The following LMF2 variants were observed in gnomAD, a reference collection of about 807,000 sequenced individuals.
The protein encoded by LMF2 is transmembrane protein 112B.
A neutral mutation model predicts 81.5 loss-of-function variants in LMF2; 113 were observed. The observed-to-expected ratio is 1.39, with a 90% CI of 1.19 to 1.62. LMF2 has a LOEUF of 1.62. Among genes scored for constraint, LMF2 ranks in the 40% most tolerant of loss-of-function variants. The pLI is 0.00. For synonymous variants in LMF2, 645 were observed against 424.5 expected, an observed-to-expected ratio of 1.52 and a Z score of -6.39; for missense variants, 1,235 against 929.1, an observed-to-expected ratio of 1.33 and a Z score of -4.28.
rs1444217226 is a variant in LMF2 at position 50,506,839 on chromosome 22, T to C, written c.291A>G (p.Pro97=). The C allele has an allele frequency of 2.5e-6, 4 of 1,602,746 alleles. No individual in the cohort carries two copies. The highest frequency in any genetic ancestry group is 2.3e-5 in the East Asian group (1 of 44,220). ...GCAAGTAGATGACAGGGTGGCGCAG[T>C]GGGCTCAGCAGCAGGGCTCCCAGGG... ...LVALGALLLS[P]LRHPVIYLLL... Residue 97 remains proline, a synonymous_variant, in exon 2 of 14, where the codon CCA becomes CCG. Coordinates refer to ENST00000474879, the MANE Select transcript of LMF2 (RefSeq NM_033200.3).
chr22:50,504,487 C>G, intron 11 of LMF2, 36 bp from the exon 12 acceptor site: 1 of 1,532,190 alleles, frequency 6.5e-7, no homozygotes, highest in Non-Finnish European at 8.9e-7. Context: ...CCCCACAGTA[C>G]CCGCCCTGCC....
chr22:50,505,775 TTG>T lies in LMF2; in HGVS notation c.813_814del (p.Tyr271Ter), dbSNP rs762745742. The stretch of plus-strand genomic sequence containing the variant: ...CACCAGCGTCATCAGGTTGAAGAAG[TTG>T]TAGTTGCCGGTGATGATAATCAGGA... On this transcript the variant is annotated stop_gained and frameshift_variant, in exon 6 of 14. Transcript: ENST00000474879. LOFTEE classifies it high-confidence loss of function. 10 of 1,613,030 alleles carry T rather than the reference TTG, an allele frequency of 6.2e-6. No homozygotes were observed. Among genetic ancestry groups the T allele is most frequent in the Non-Finnish European group, 7.6e-6 (9 of 1,179,896 alleles).
chr22:50,503,613 C>A lies in LMF2; in HGVS notation c.1902G>T (p.Glu634Asp). 6.4e-7 allele frequency: 1 copy of A among 1,574,278 alleles called. No homozygotes were observed. ...GGAGCCCCCAGAGCAGGGCGGGGGC[C>A]TCCAGGGGAGACAGCTGAGAGCGAG... ...HWTRSQLSPL[E>D]APALLWGLLM... Residue 634 changes from glutamate to aspartate, a missense_variant, in exon 14 of 14, where the codon GAG (glutamate) becomes GAT (aspartate). Glu to Asp is a conservative substitution (Grantham distance 45). Transcript: ENST00000474879.
chr22:50,503,645 G>C lies in LMF2; in HGVS notation c.1870C>G (p.His624Asp). 2 of 1,592,896 alleles carry C rather than the reference G, an allele frequency of 1.3e-6. No individual in the cohort carries two copies. Among genetic ancestry groups the C allele is most frequent in the Non-Finnish European group, 1.7e-6 (2 of 1,172,072 alleles). ...GGAGACAGCTGAGAGCGAGTCCAGT[G>C]GAGGGCCTGGGCCAGGGTGCTGTTG... ...SANSTLAQAL[H>D]WTRSQLSPLE... is the part of the protein sequence containing the mutation. The change falls in exon 14 of 14, where the codon CAC becomes GAC. Residue 624 changes from histidine to aspartate, a missense_variant. His to Asp is a moderately conservative substitution (Grantham distance 81). Transcript: ENST00000474879.
rs749352866 is a variant in LMF2, at chr22:50,506,403, C to T, written c.477G>A (p.Gly159=). ...RKEAPQGRQA[G]ALPHEDLPFW... ...AGGGGAGGTCTTCGTGGGGCAGGGC[C>T]CCTGCCTGCCTGCCCTGGGGGGCCT... Residue 159 remains glycine (G), a synonymous_variant, in exon 4 of 14, where the codon GGG becomes GGA. Coordinates refer to ENST00000474879, the MANE Select transcript of LMF2 (RefSeq NM_033200.3). The T allele has an allele frequency of 1.3e-6, 2 of 1,550,116 alleles. No homozygotes were observed. Among genetic ancestry groups the T allele is most frequent in the Admixed American group, 2.0e-5 (1 of 51,036 alleles).
chr22:50,504,884 T>C lies in LMF2; in HGVS notation c.1355A>G (p.Tyr452Cys), dbSNP rs188536110. The change falls in exon 10 of 14, where the codon TAC (tyrosine) becomes TGC (cysteine). Residue 452 changes from tyrosine to cysteine, a missense_variant. By Grantham distance (194) the Tyr-to-Cys change is radical. Transcript: ENST00000474879. ...CCCAGTCATGCGGCGGAAGAGGCCG[T>C]AGGAGTTGGCCAGCTGTAGGTGCTC... ...AVEHLQLANS[Y>C]GLFRRMTGLG... 46 of 1,610,798 alleles carry C rather than the reference T, an allele frequency of 2.9e-5. No homozygotes were observed. The highest frequency in any genetic ancestry group is 3.6e-5 in the Non-Finnish European group (42 of 1,178,978).
intron 13 of LMF2, 44 bp from the exon 14 acceptor site, chr22:50,503,743 G>A (rs754335204): frequency 6.3e-6 from 10 of 1,591,152 alleles, no homozygotes; most frequent in South Asian, 3.3e-5. Flanking sequence ...AGTGCTTACT[G>A]GGTTTACCCC....
In LMF2 at chr22:50,507,042, G is replaced by T; in HGVS notation, c.95-7C>A. 6.3e-7 allele frequency: 1 copy of T among 1,586,876 alleles called. No homozygotes were observed. On this transcript the variant is annotated splice_region_variant and splice_polypyrimidine_tract_variant and intron_variant, in intron 1 of 13. Transcript: ENST00000474879. ...CCCTCGGGGCCATACAGGCCTGTGG[G>T]AGGGCATGTCATGGCCAGGCCCTGG...
rs376728417 is a variant in LMF2 at position 50,504,459 on chromosome 22, G to A, written c.1607-8C>T. 2.7e-5 allele frequency: 43 copies of A among 1,609,586 alleles called. No homozygotes were observed. The highest frequency in any genetic ancestry group is 1.6e-4 in the South Asian group (15 of 90,996). ...TCTGGACAAGGCGGATCACTGCAGCGAGAGGCATCAGCGTGGCCCCCACAG... is the reference window on the plus strand; with the variant it reads ...TCTGGACAAGGCGGATCACTGCAGCAAGAGGCATCAGCGTGGCCCCCACAG... On this transcript the variant is annotated splice_region_variant and splice_polypyrimidine_tract_variant and intron_variant, in intron 11 of 13. Transcript: ENST00000474879.
rs777372632 is a variant in LMF2 at position 50,505,497 on chromosome 22, C to T, written c.957G>A (p.Leu319=). 1.2e-6 allele frequency: 2 copies of T among 1,612,672 alleles called. No homozygotes were observed. The highest frequency in any genetic ancestry group is 2.2e-5 in the East Asian group (1 of 44,902). ...CCAGAAGCCCGTAGACGGCTAGTTCCAGCAGCAGCGACAGGGTGGCCAGCA... is the reference window on the plus strand; with the variant it reads ...CCAGAAGCCCGTAGACGGCTAGTTCTAGCAGCAGCGACAGGGTGGCCAGCA... ...KALLATLSLL[L]ELAVYGLLAY... The change falls in exon 7 of 14, where the codon CTG becomes CTA. Residue 319 remains leucine (L), a synonymous_variant. Transcript: ENST00000474879.
chr22:50,507,602 G>A lies in LMF2; in HGVS notation c.74C>T (p.Ser25Phe). 1 of 1,565,020 alleles carries A rather than the reference G, an allele frequency of 6.4e-7. No individual in the cohort carries two copies. The highest frequency in any genetic ancestry group is 1.2e-5 in the South Asian group (1 of 85,236). ...TTCACCTGGGATTTGCGTGTAGAGGGAAGCGAAAGCAAACATGAAGACGGC... is the reference window on the plus strand; with the variant it reads ...TTCACCTGGGATTTGCGTGTAGAGGAAAGCGAAAGCAAACATGAAGACGGC... ...VAAVFMFAFA[S>F]LYTQIPGLYG... The change falls in exon 1 of 14, where the codon TCC (serine) becomes TTC (phenylalanine). Residue 25 changes from serine (S) to phenylalanine (F), a missense_variant. Transcript: ENST00000474879.
chr22:50,504,744 G>A lies in LMF2; in HGVS notation c.1438-17C>T, dbSNP rs2084852910. The A allele has an allele frequency of 2.5e-6, 4 of 1,608,620 alleles. No homozygotes were observed. The highest frequency in any genetic ancestry group is 1.7e-5 in the Admixed American group (1 of 59,126). The stretch of plus-strand genomic sequence containing the variant: ...CTCGATCTCCTGCCAGGCAGGCCGA[G>A]GTCAGCTGGGCCCGCTGACCTGGGC... On this transcript the variant is annotated splice_polypyrimidine_tract_variant and intron_variant, in intron 10 of 13. Coordinates refer to ENST00000474879, the MANE Select transcript of LMF2 (RefSeq NM_033200.3).
chr22:50,503,433 G>A lies in LMF2; in HGVS notation c.2082C>T (p.Asn694=), dbSNP rs199641349. The change falls in exon 14 of 14, where the codon AAC becomes AAT. Residue 694 remains asparagine, a synonymous_variant. Transcript: ENST00000474879. ...AASEQATAAP[N]PCSSSSRTTR... ...TGGTCCTCGAACTACTGGAGCAGGG[G>A]TTGGGGGCTGCGGTGGCCTGTTCGG... 1.5e-5 allele frequency: 24 copies of A among 1,608,432 alleles called. 1 individual carries two copies. The South Asian group carries it at 1.5e-4, about 10-fold the overall frequency.
Position 50,506,867 on chromosome 22 carries a change from A to G in LMF2, c.263T>C (p.Val88Ala). The G allele has an allele frequency of 1.3e-6, 2 of 1,591,860 alleles. No homozygotes were observed. Among genetic ancestry groups the G allele is most frequent in the South Asian group, 1.1e-5 (1 of 88,750 alleles). Residue 88 changes from valine (V) to alanine (A), a missense_variant, in exon 2 of 14, where the codon GTG (valine) becomes GCG (alanine). By Grantham distance (64) the Val-to-Ala change is moderately conservative. Coordinates refer to ENST00000474879, the MANE Select transcript of LMF2 (RefSeq NM_033200.3). ...GCTCAGCAGCAGGGCTCCCAGGGCC[A>G]CTAGTGCACCCAGCAGGCTCAGCAG... ...LELLSLLGAL[V>A]ALGALLLSPL... is the part of the protein sequence containing the mutation.
At chr22:50,505,587 C>A in intron 6 of LMF2, 50 bp from the exon 7 acceptor site, 1 of 1,611,512 alleles carries the variant, frequency 6.2e-7, no homozygotes, top group Non-Finnish European at 8.5e-7. Flanking sequence ...AGCCAGGGGG[C>A]TGGGGTGCAG....
In LMF2 at chr22:50,503,410, G is replaced by A. The variant is rs986854437; in HGVS notation, c.2105C>T (p.Thr702Ile). 6.2e-7 allele frequency: 1 copy of A among 1,610,150 alleles called. No individual in the cohort carries two copies. Reference protein sequence around the residue: ...APNPCSSSSRTTRRKK With the variant: ...APNPCSSSSRITRRKK The stretch of plus-strand genomic sequence containing the variant: ...ACACAGCTACTTCTTTCGCCGGGTG[G>A]TCCTCGAACTACTGGAGCAGGGGTT... The change falls in exon 14 of 14, where the codon ACC (threonine) becomes ATC (isoleucine). Residue 702 changes from threonine to isoleucine, a missense_variant. Coordinates refer to ENST00000474879, the MANE Select transcript of LMF2 (RefSeq NM_033200.3).
At chr22:50,505,366 C>T (rs527760349) in intron 7 of LMF2, 32 bp from the exon 8 acceptor site, 210 of 1,613,200 alleles carry the variant, frequency 1.3e-4, no homozygotes, top group African/African-American at 2.9e-4. Flanking sequence ...AGGACTGGTC[C>T]GCCCCTGCCC....
Position 50,504,646 on chromosome 22 carries a change from G to A in LMF2, c.1519C>T (p.Gln507Ter). The A allele has an allele frequency of 6.2e-7, 1 of 1,608,800 alleles. No individual in the cohort carries two copies. Among genetic ancestry groups the A allele is most frequent in the Non-Finnish European group, 8.5e-7 (1 of 1,179,350 alleles). The change falls in exon 11 of 14, where the codon CAG (glutamine) becomes TAG (stop). Residue 507 changes from glutamine to a stop codon, truncating the protein, a stop_gained. Coordinates refer to ENST00000474879, the MANE Select transcript of LMF2 (RefSeq NM_033200.3). LOFTEE classifies it high-confidence loss of function. ...VVPHQPRLDW[Q>*]MWFAALGPHT... ...GGGCCCAGGGCTGCAAACCACATCT[G>A]CCAGTCCAGGCGTGGCTGGTGGGGC...
intron 1 of LMF2, chr22:50,507,309 T>A: frequency 1.6e-6 from 1 of 608,288 alleles, no homozygotes; most frequent in South Asian, 2.0e-5. Flanking sequence ...ATCTCCTACC[T>A]GTCCCACCAG....
Sources: gnomAD v4.1 joint callset for allele counts on GRCh38, gnomAD v4.1.1 for gene constraint, MANE v1.5 for transcripts, NCBI Gene and HGNC (gene_info 2026-07-23, HGNC 2026-07-21) for gene names.